EPB41L5: variants seen among roughly 807,000 people sequenced by gnomAD.
EPB41L5 encodes band 4.1-like protein 5.
Under a neutral mutation model 106.6 loss-of-function variants are expected in EPB41L5, and 55 were observed. The observed-to-expected ratio is 0.52, with a 90% CI of 0.42 to 0.65. The LOEUF is 0.65. Ranked by LOEUF, EPB41L5 falls within the 30% of genes least tolerant of loss-of-function variation. The pLI is 0.00. For missense variants in EPB41L5, 871 were observed against 882.1 expected, an observed-to-expected ratio of 0.99 and a Z score of 0.16; for synonymous variants, 297 against 306.7, an observed-to-expected ratio of 0.97 and a Z score of 0.33.
At chr2:120,053,002 G>T (rs1680391973) in intron 3 of EPB41L5, among the ~76,000 whole-genome samples, 1 of 152,166 alleles carries the variant, frequency 6.6e-6, no homozygotes, top group African/African-American at 2.4e-5. Context: ...AGCATGTGTG[G>T]AACCAGTCTC....
At chr2:120,015,923 A>T (rs1677487395) in intron 1 of EPB41L5, among the ~76,000 whole-genome samples, 1 of 151,980 alleles carries the variant, frequency 6.6e-6, no homozygotes. Flanking sequence ...AAAAAAAAAA[A>T]AAACATAAAA....
chr2:120,132,737 G>C (rs1258228964), intron 18 of EPB41L5, among the ~76,000 whole-genome samples: 1 of 152,078 alleles, frequency 6.6e-6, no homozygotes. Flanking sequence ...TGTAAAGTAG[G>C]GGAATGCAGG....
intron 3 of EPB41L5, among the ~76,000 whole-genome samples, chr2:120,069,272 T>G (rs997826953): frequency 6.6e-6 from 1 of 150,616 alleles, no homozygotes; most frequent in African/African-American, 2.5e-5. Flanking sequence ...CAAGAAGAGC[T>G]AACCTAAATA....
intron 2 of EPB41L5, among the ~76,000 whole-genome samples, chr2:120,026,325 T>G (rs1678310391): frequency 6.6e-6 from 1 of 152,148 alleles, no homozygotes; most frequent in Non-Finnish European, 1.5e-5. Flanking sequence ...GAGTAAATCT[T>G]TAGATCTTAG....
intron 16 of EPB41L5, among the ~76,000 whole-genome samples, chr2:120,113,004 G>A (rs1401193022): frequency 6.6e-6 from 1 of 152,138 alleles, no homozygotes; most frequent in African/African-American, 2.4e-5. Flanking sequence ...ATTGTAGAGA[G>A]TAAAAAGGAA....
chr2:120,088,544 GTGTTT>G (rs1558864232), intron 11 of EPB41L5, among the ~76,000 whole-genome samples: 4 of 152,006 alleles, frequency 2.6e-5, no homozygotes, highest in Non-Finnish European at 4.4e-5. Flanking sequence ...ACCATGACAC[GTGTTT>G]ACCTATGTAA....
In EPB41L5 at chr2:120,100,778, C is replaced by T. The variant is rs779374921; in HGVS notation, c.1301C>T (p.Pro434Leu). Reference sequence around the variant, plus strand: ...GTGCCAGTGGAGATAGAGAATCTTCCACAGAGTCCTGGAACAGACCAGCAT... The same window carrying T: ...GTGCCAGTGGAGATAGAGAATCTTCTACAGAGTCCTGGAACAGACCAGCAT... ...APVPVEIENL[P>L]QSPGTDQHDR... Residue 434 changes from proline (P) to leucine (L), a missense_variant, in exon 16 of 25, where the codon CCA becomes CTA. Coordinates refer to ENST00000263713, the MANE Select transcript of EPB41L5 (RefSeq NM_020909.4). 1.2e-6 allele frequency: 2 copies of T among 1,611,594 alleles called. No individual in the cohort carries two copies. The highest frequency in any genetic ancestry group is 2.7e-5 in the African/African-American group (2 of 74,792).
rs564501941 is a variant in EPB41L5, at chr2:120,052,942, T to G, written c.285+10832T>G. Among the ~76,000 whole-genome samples, 144 of 152,336 alleles carry G rather than the reference T, an allele frequency of 9.5e-4. 1 individual carries two copies. Among genetic ancestry groups the G allele is most frequent in the African/African-American group, 3.3e-3 (138 of 41,586 alleles). ...TTTCCATATTTGTAGTTCTCTTCTA[T>G]AGAAACCAGGCTATGATTATCACCA... On this transcript the variant is annotated intron_variant, in intron 3 of 24. Coordinates refer to ENST00000263713, the MANE Select transcript of EPB41L5 (RefSeq NM_020909.4).
intron 16 of EPB41L5, chr2:120,104,135 C>T (rs901964750): frequency 6.3e-5 from 97 of 1,536,038 alleles, no homozygotes; most frequent in East Asian, 5.4e-4. Flanking sequence ...CACCCCAGAC[C>T]GCACATAGAA....
rs567523299 is a variant in EPB41L5 at position 120,133,564 on chromosome 2, C to T, written c.1599+1849C>T. Among the ~76,000 whole-genome samples the T allele has an allele frequency of 2.6e-5, 4 of 152,336 alleles. No individual in the cohort carries two copies. In the East Asian group the frequency reaches 7.7e-4, roughly 29 times the overall value. On this transcript the variant is annotated intron_variant, in intron 18 of 24. Transcript: ENST00000263713. ...GTGCCCACAGAGGCTGCATTTAGAA[C>T]AGCCCTAGCCAGAGAAGAATCTTCC...
chr2:120,082,340 G>A (rs1397537864), intron 10 of EPB41L5, among the ~76,000 whole-genome samples: 1 of 152,090 alleles, frequency 6.6e-6, no homozygotes. Context: ...TTTTATCAAA[G>A]GCTTTTTCTG....
chr2:120,110,561 G>A (rs1460653740), intron 16 of EPB41L5, among the ~76,000 whole-genome samples: 2 of 151,522 alleles, frequency 1.3e-5, no homozygotes, highest in African/African-American at 4.9e-5. Flanking sequence ...TTTATTTTGA[G>A]GTAATGTTCA....
chr2:120,150,086 A>G (rs185487443), intron 20 of EPB41L5, among the ~76,000 whole-genome samples: 25 of 151,848 alleles, frequency 1.6e-4, no homozygotes, highest in Admixed American at 5.2e-4. Flanking sequence ...GGGAGAGACA[A>G]GGTGTCACTG....
chr2:120,163,723 G>A (rs1199443911), intron 21 of EPB41L5, among the ~76,000 whole-genome samples: 1 of 151,584 alleles, frequency 6.6e-6, no homozygotes, highest in Non-Finnish European at 1.5e-5. Flanking sequence ...GGGAGGCCAG[G>A]GTAGGAGGAT....
intron 3 of EPB41L5, among the ~76,000 whole-genome samples, chr2:120,051,711 C>T (rs918930692): frequency 7.2e-5 from 11 of 152,154 alleles, no homozygotes; most frequent in African/African-American, 2.7e-4. Flanking sequence ...TCCAACAAGC[C>T]CCAGTGAGAT....
At chr2:120,045,512 C>T (rs1679706158) in intron 3 of EPB41L5, among the ~76,000 whole-genome samples, 1 of 152,196 alleles carries the variant, frequency 6.6e-6, no homozygotes, top group Admixed American at 6.5e-5. Flanking sequence ...GCACACTTCA[C>T]AACTCAATAC....
At chr2:120,073,550 T>A (rs889152892) in intron 4 of EPB41L5, among the ~76,000 whole-genome samples, 1 of 152,238 alleles carries the variant, frequency 6.6e-6, no homozygotes, top group East Asian at 1.9e-4. Flanking sequence ...ATATTGAAAG[T>A]ATTTTGAGAC....
At chr2:120,127,418 C>T (rs911546694) in intron 16 of EPB41L5, among the ~76,000 whole-genome samples, 4 of 152,138 alleles carry the variant, frequency 2.6e-5, no homozygotes, top group African/African-American at 9.7e-5. Flanking sequence ...GAAATGGTGT[C>T]GTGTTTGCAT....
chr2:120,084,381 T>C (rs181811770), intron 10 of EPB41L5, among the ~76,000 whole-genome samples: 5 of 152,330 alleles, frequency 3.3e-5, no homozygotes, highest in Non-Finnish European at 5.9e-5. Context: ...CCTTCACTTA[T>C]GAAGCTTAGT....
Sources: gnomAD v4.1 joint callset for allele counts (sites outside exome capture counted in the v4.1 genomes callset) on GRCh38, gnomAD v4.1.1 for gene constraint, MANE v1.5 for transcripts, NCBI Gene and HGNC (gene_info 2026-07-23, HGNC 2026-07-21) for gene names.